The following PIBF1 variants were observed in gnomAD, a reference collection of about 807,000 sequenced individuals.
PIBF1 encodes the protein progesterone immunomodulatory binding factor 1.
PIBF1 carries 90 observed loss-of-function variants against 112.5 expected under a neutral mutation model. The ratio of observed to expected loss-of-function variants is 0.80; its 90% confidence interval spans 0.67 to 0.95. PIBF1 has a LOEUF of 0.95. PIBF1 is among the 40% of genes least tolerant of loss of function. The pLI is 0.00. For synonymous variants in PIBF1, 301 were observed against 288.6 expected, an observed-to-expected ratio of 1.04 and a Z score of -0.44; for missense variants, 915 against 852.3, an observed-to-expected ratio of 1.07 and a Z score of -0.92.
At chr13:72,901,946 G>A (rs1394627190) in intron 11 of PIBF1, among the ~76,000 whole-genome samples, 5 of 150,758 alleles carry the variant, frequency 3.3e-5, no homozygotes, top group East Asian at 2.0e-4. Context: ...TTGCAAAATC[G>A]TGGAACCAAC....
intron 13 of PIBF1, among the ~76,000 whole-genome samples, chr13:72,919,703 C>G (rs1317783025): frequency 3.3e-5 from 5 of 151,910 alleles, no homozygotes; most frequent in Admixed American, 3.3e-4. Context: ...TGCAGTGACT[C>G]ACACCTGTAT....
chr13:72,982,445 AAAAAAT>A (rs2043179099), intron 16 of PIBF1, among the ~76,000 whole-genome samples: 1 of 152,118 alleles, frequency 6.6e-6, no homozygotes, highest in African/African-American at 2.4e-5. Flanking sequence ...AAAAAAACAC[AAAAAAT>A]AAAAATAAAA....
intron 2 of PIBF1, among the ~76,000 whole-genome samples, chr13:72,784,557 G>T (rs1049502623): frequency 6.6e-6 from 1 of 151,954 alleles, no homozygotes; most frequent in Non-Finnish European, 1.5e-5. Flanking sequence ...TCAGGAGTTC[G>T]AGACTACCCT....
chr13:72,997,881 C>CATTA (rs368608287), intron 16 of PIBF1, among the ~76,000 whole-genome samples: 1 of 152,112 alleles, frequency 6.6e-6, no homozygotes, highest in South Asian at 2.1e-4. Flanking sequence ...CATAAATACC[C>CATTA]ACTAGTGTTA....
chr13:72,888,109 T>C (rs1473148129), intron 10 of PIBF1, among the ~76,000 whole-genome samples: 1 of 152,108 alleles, frequency 6.6e-6, no homozygotes, highest in Non-Finnish European at 1.5e-5. Context: ...GCCCATTGAA[T>C]TTGGTGGGTG....
chr13:72,908,237 T>G (rs1365862389), intron 11 of PIBF1, among the ~76,000 whole-genome samples: 7 of 152,180 alleles, frequency 4.6e-5, no homozygotes, highest in Non-Finnish European at 1.0e-4. Context: ...TTTTTTTAAA[T>G]TCTAACAAGC....
At chr13:72,967,136 A>G (rs1468525992) in intron 15 of PIBF1, among the ~76,000 whole-genome samples, 2 of 151,902 alleles carry the variant, frequency 1.3e-5, no homozygotes, top group African/African-American at 4.8e-5. Context: ...GGGTTTCACC[A>G]TGTTGGTCAG....
At chr13:73,014,519 A>G (rs1489089681) in intron 17 of PIBF1, among the ~76,000 whole-genome samples, 4 of 152,206 alleles carry the variant, frequency 2.6e-5, no homozygotes, top group African/African-American at 9.6e-5. Context: ...GTCCAAACCC[A>G]TAAAATGCAT....
At chr13:72,868,575 T>C (rs997210371) in intron 10 of PIBF1, among the ~76,000 whole-genome samples, 2 of 152,322 alleles carry the variant, frequency 1.3e-5, no homozygotes, top group Admixed American at 6.5e-5. Context: ...ACATGTCTAT[T>C]CTTTTGTGTC....
chr13:72,832,379 G>T (rs943653520), intron 8 of PIBF1, among the ~76,000 whole-genome samples: 1 of 152,008 alleles, frequency 6.6e-6, no homozygotes, highest in Admixed American at 6.6e-5. Context: ...TTACAATTTG[G>T]TTATGTTTTT....
At position 72,894,113 on chromosome 13, in the gene PIBF1, G is replaced by A. The variant is rs530656450; in HGVS notation, c.1488+164G>A. ...TACGTATTTCAGAAAGATGTATACT[G>A]AAAAGGACTAGAATTGTTGAGAAAC... On this transcript the variant is annotated intron_variant, in intron 11 of 17. Coordinates refer to ENST00000326291, the MANE Select transcript of PIBF1 (RefSeq NM_006346.4). Among the ~76,000 whole-genome samples, 157 of 142,556 alleles carry A rather than the reference G, an allele frequency of 1.1e-3. 1 individual carries two copies. Among genetic ancestry groups the A allele is most frequent in the Non-Finnish European group, 1.8e-3 (120 of 65,588 alleles). 93.5% of individuals were successfully genotyped at this position (142,556 alleles called of 152,430 possible). A position where few individuals can be genotyped will look rare whatever the true frequency, so the allele number is the denominator to read the frequency against.
At chr13:72,835,585 T>G (rs2037320079) in intron 9 of PIBF1, among the ~76,000 whole-genome samples, 1 of 73,266 alleles carries the variant, frequency 1.4e-5, no homozygotes, top group African/African-American at 6.5e-5. Flanking sequence ...TTATTCCTGT[T>G]ATGTCTTTTT....
chr13:72,889,273 T>C (rs1369467000), intron 10 of PIBF1, among the ~76,000 whole-genome samples: 3 of 152,200 alleles, frequency 2.0e-5, no homozygotes, highest in Non-Finnish European at 2.9e-5. Context: ...CAATTTCTTA[T>C]AGCTGAATCT....
At chr13:72,944,998 C>G (rs936713181) in intron 14 of PIBF1, among the ~76,000 whole-genome samples, 5 of 152,128 alleles carry the variant, frequency 3.3e-5, no homozygotes, top group African/African-American at 9.7e-5. Flanking sequence ...TACTGTCACC[C>G]AGGTAGTGAG....
chr13:72,936,847 A>C (rs1170449080), intron 14 of PIBF1, among the ~76,000 whole-genome samples: 1 of 152,092 alleles, frequency 6.6e-6, no homozygotes, highest in Non-Finnish European at 1.5e-5. Flanking sequence ...GACATTACGT[A>C]AGTTGAATAT....
chr13:72,932,496 G>A (rs1327496234), intron 14 of PIBF1, among the ~76,000 whole-genome samples: 1 of 152,150 alleles, frequency 6.6e-6, no homozygotes, highest in Non-Finnish European at 1.5e-5. Context: ...ACACAGTGGT[G>A]TGTTGGTAAA....
At chr13:72,844,728 TACACACACACAC>T (rs1156334355) in intron 9 of PIBF1, among the ~76,000 whole-genome samples, 1,301 of 53,188 alleles carry the variant, frequency 0.024, 39 homozygotes, top group Admixed American at 0.054. Flanking sequence ...TAATTTTATT[TACACACACACAC>T]ACACACACAC....
chr13:72,956,840 A>C (rs1190245774), intron 14 of PIBF1, among the ~76,000 whole-genome samples: 2 of 152,234 alleles, frequency 1.3e-5, no homozygotes, highest in African/African-American at 4.8e-5. Context: ...AAACCCCATC[A>C]AAAAGTGGGC....
At chr13:72,935,594 TATTTG>T (rs2041846657) in intron 14 of PIBF1, among the ~76,000 whole-genome samples, 1 of 152,206 alleles carries the variant, frequency 6.6e-6, no homozygotes, top group African/African-American at 2.4e-5. Context: ...CGTAGGTGTC[TATTTG>T]ACATCTTAAG....
Sources: gnomAD v4.1 joint callset for allele counts (sites outside exome capture counted in the v4.1 genomes callset) on GRCh38, gnomAD v4.1.1 for gene constraint, MANE v1.5 for transcripts, NCBI Gene and HGNC (gene_info 2026-07-23, HGNC 2026-07-21) for gene names.